LYPD6: variants seen among roughly 807,000 people sequenced by gnomAD.
LYPD6 encodes ly6/PLAUR domain-containing protein 6.
Under a neutral mutation model 22.7 loss-of-function variants are expected in LYPD6, and 15 were observed. That is an observed-to-expected ratio of 0.66 (90% confidence interval 0.44 to 1.02). LYPD6 has a LOEUF of 1.02. Ranked by LOEUF, LYPD6 falls within the 50% of genes least tolerant of loss-of-function variation. The pLI, the probability that LYPD6 is intolerant of heterozygous loss-of-function variation, is 0.00. For missense variants in LYPD6, 189 were observed against 208.4 expected, an observed-to-expected ratio of 0.91 and a Z score of 0.57; for synonymous variants, 72 against 77.5, an observed-to-expected ratio of 0.93 and a Z score of 0.37.
At chr2:149,440,867 A>AT (rs112892707) in intron 2 of LYPD6, among the ~76,000 whole-genome samples, 50 of 144,490 alleles carry the variant, frequency 3.5e-4, no homozygotes, top group Non-Finnish European at 4.0e-4. Context: ...GGCCTGACTA[A>AT]TTTTTTTTTT....
At chr2:149,343,601 G>C (rs1036216670) in intron 1 of LYPD6, among the ~76,000 whole-genome samples, 4 of 152,178 alleles carry the variant, frequency 2.6e-5, no homozygotes, top group Middle Eastern at 3.2e-3. Flanking sequence ...AGTGAAAGCT[G>C]GGGGAATATG....
At chr2:149,454,172 GT>G (rs1680900225) in intron 3 of LYPD6, among the ~76,000 whole-genome samples, 2 of 152,178 alleles carry the variant, frequency 1.3e-5, no homozygotes, top group South Asian at 4.1e-4. Context: ...TAATTTTAAA[GT>G]TGAATATACA....
At chr2:149,482,476 C>G in the LYPD6 span, among the ~76,000 whole-genome samples, 9 of 152,212 alleles carry the variant, frequency 5.9e-5, no homozygotes, top group Non-Finnish European at 1.3e-4. Flanking sequence ...CATTGTTACT[C>G]TGGTTACACA....
intron 3 of LYPD6, among the ~76,000 whole-genome samples, chr2:149,466,319 AC>A (rs1681200144): frequency 6.6e-6 from 1 of 152,150 alleles, no homozygotes; most frequent in Admixed American, 6.5e-5. Context: ...TTCATAACTC[AC>A]CTAGGGTTTT....
chr2:149,378,739 A>G (rs3856423), intron 1 of LYPD6, among the ~76,000 whole-genome samples: 3,410 of 152,118 alleles, frequency 0.022, 99 homozygotes, highest in African/African-American at 0.077. Flanking sequence ...TCACCCTACA[A>G]TTGCCACATG....
intron 3 of LYPD6, among the ~76,000 whole-genome samples, chr2:149,459,969 C>T (rs917322410): frequency 6.6e-6 from 1 of 150,858 alleles, no homozygotes; most frequent in Admixed American, 6.6e-5. Context: ...AAGTTTTGTA[C>T]ACTTCACTTT....
intron 1 of LYPD6, among the ~76,000 whole-genome samples, chr2:149,391,729 C>T (rs528363227): frequency 6.6e-6 from 1 of 152,240 alleles, no homozygotes; most frequent in Non-Finnish European, 1.5e-5. Flanking sequence ...TGTGACATAC[C>T]TCCCTTTCAA....
At chr2:149,331,469 C>G (rs1311813696) in intron 1 of LYPD6, among the ~76,000 whole-genome samples, 1 of 152,206 alleles carries the variant, frequency 6.6e-6, no homozygotes, top group African/African-American at 2.4e-5. Flanking sequence ...CTGCCCTCCT[C>G]CAGTCCCCTC....
At chr2:149,463,779 A>G (rs76479104) in intron 3 of LYPD6, among the ~76,000 whole-genome samples, 1,870 of 152,258 alleles carry the variant, frequency 0.012, 29 homozygotes, top group African/African-American at 0.043. Context: ...CCAAAATACT[A>G]CATGTTGTGT....
At chr2:149,361,857 A>G (rs1196704) in intron 1 of LYPD6, among the ~76,000 whole-genome samples, 1 of 151,800 alleles carries the variant, frequency 6.6e-6, no homozygotes, top group Non-Finnish European at 1.5e-5. Flanking sequence ...TGGGGCTATT[A>G]TCTTATTATC....
chr2:149,387,166 T>G (rs1162464144), intron 1 of LYPD6, among the ~76,000 whole-genome samples: 1 of 152,238 alleles, frequency 6.6e-6, no homozygotes, highest in African/African-American at 2.4e-5. Flanking sequence ...TCCTCTATTT[T>G]TATATAATAT....
chr2:149,337,210 G>A (rs1440097201), intron 1 of LYPD6, among the ~76,000 whole-genome samples: 1 of 152,078 alleles, frequency 6.6e-6, no homozygotes, highest in Non-Finnish European at 1.5e-5. Flanking sequence ...GACTCTCCCA[G>A]TAAATACGTT....
At chr2:149,372,795 A>G (rs1681839744) in intron 1 of LYPD6, among the ~76,000 whole-genome samples, 1 of 152,206 alleles carries the variant, frequency 6.6e-6, no homozygotes, top group Admixed American at 6.5e-5. Flanking sequence ...GGAAGTGTTT[A>G]TAACTTGTTT....
intron 2 of LYPD6, among the ~76,000 whole-genome samples, chr2:149,444,389 TA>T (rs1683635199): frequency 6.6e-6 from 1 of 152,162 alleles, no homozygotes; most frequent in Non-Finnish European, 1.5e-5. Context: ...AAGGCTGGGG[TA>T]GCTGTGGCAA....
chr2:149,358,632 C>A (rs867580399), intron 1 of LYPD6, among the ~76,000 whole-genome samples: 10 of 151,832 alleles, frequency 6.6e-5, no homozygotes, highest in African/African-American at 2.4e-4. Context: ...GTGGGATAGA[C>A]CCTAATCAGA....
the LYPD6 span, among the ~76,000 whole-genome samples, chr2:149,484,554 C>CA: frequency 3.3e-5 from 5 of 151,780 alleles, no homozygotes; most frequent in South Asian, 8.3e-4. Flanking sequence ...CATAGCTACC[C>CA]CCGTAGTCCA....
intron 1 of LYPD6, among the ~76,000 whole-genome samples, chr2:149,375,199 T>C (rs1199469832): frequency 6.6e-6 from 1 of 152,188 alleles, no homozygotes; most frequent in African/African-American, 2.4e-5. Flanking sequence ...AGGATTTACC[T>C]TGATTTCTTG....
chr2:149,431,278 C>T (rs1033500063), intron 1 of LYPD6, among the ~76,000 whole-genome samples: 5 of 152,188 alleles, frequency 3.3e-5, no homozygotes, highest in African/African-American at 1.2e-4. Flanking sequence ...AACACAATGT[C>T]TTTTCTAAAT....
intron 1 of LYPD6, among the ~76,000 whole-genome samples, chr2:149,427,679 A>G (rs1436494768): frequency 1.3e-5 from 2 of 152,256 alleles, no homozygotes; most frequent in Non-Finnish European, 2.9e-5. Context: ...TGCGTGTCCA[A>G]CAGTAATCCC....
Sources: gnomAD v4.1 joint callset for allele counts (sites outside exome capture counted in the v4.1 genomes callset) on GRCh38, gnomAD v4.1.1 for gene constraint, MANE v1.5 for transcripts, NCBI Gene and HGNC (gene_info 2026-07-23, HGNC 2026-07-21) for gene names.